Variants in EXTL3 observed in about 807,000 individuals in gnomAD.
EXTL3 encodes exostosin-like 3.
A neutral mutation model predicts 69.3 loss-of-function variants in EXTL3; 27 were observed. The observed-to-expected ratio is 0.39, with a 90% confidence interval of 0.29 to 0.54. The LOEUF (loss-of-function observed/expected upper bound fraction) is 0.54. EXTL3 is among the 20% of genes least tolerant of loss of function. The probability of loss-of-function intolerance (pLI) is 0.69; values close to 1 mark genes in which losing one functional copy is unlikely to be tolerated. For synonymous variants in EXTL3, 511 were observed against 499.4 expected, an observed-to-expected ratio of 1.02 and a Z score of -0.31; for missense variants, 1,003 against 1,231.8, an observed-to-expected ratio of 0.81 and a Z score of 2.78.
At chr8:28,686,588 C>G (rs1042449113) in intron 1 of EXTL3, among the ~76,000 whole-genome samples, 1 of 152,054 alleles carries the variant, frequency 6.6e-6, no homozygotes, top group African/African-American at 2.4e-5. Flanking sequence ...GAACTTACCA[C>G]TTATGTTAAG....
rs2130742328 is a variant in EXTL3, at chr8:28,718,053, T to C, written c.1994T>C (p.Val665Ala). ...GGNVPREQFT[V>A]VMLTYEREEV... ...AATGTTCCCCGAGAGCAGTTCACGG[T>C]GGTGATGTTGACTTATGAGCGGGAG... The change falls in exon 3 of 7, where the codon GTG becomes GCG. Residue 665 changes from valine (V) to alanine (A), a missense_variant. Transcript: ENST00000220562. 1 of 1,613,642 alleles carries C rather than the reference T, an allele frequency of 6.2e-7. No homozygotes were observed. Among genetic ancestry groups the C allele is most frequent in the East Asian group, 2.2e-5 (1 of 44,858 alleles).
chr8:28,721,777 C>T (rs1365653790), intron 3 of EXTL3, among the ~76,000 whole-genome samples: 3 of 152,204 alleles, frequency 2.0e-5, no homozygotes, highest in Non-Finnish European at 2.9e-5. Context: ...CCAGTTTACA[C>T]ATCTTCCTTA....
At chr8:28,719,517 T>G (rs958974446) in intron 3 of EXTL3, among the ~76,000 whole-genome samples, 1 of 152,240 alleles carries the variant, frequency 6.6e-6, no homozygotes, top group Non-Finnish European at 1.5e-5. Context: ...AGTGCCTCTT[T>G]GCTTTAAATT....
Position 28,717,957 on chromosome 8 carries a change from G to A in EXTL3, c.1898G>A (p.Gly633Glu), listed in dbSNP as rs751064521. The part of the protein sequence containing the change: ...LPSEAKFLGS[G>E]TGFRPIGGGA... ...TCAGAGGCCAAATTCTTGGGCTCAG[G>A]GACTGGCTTTCGGCCTATTGGTGGT... The change falls in exon 3 of 7, where the codon GGG becomes GAG. Residue 633 changes from glycine (G) to glutamate (E), a missense_variant. Transcript: ENST00000220562. This position sits in a 1 kb window ranked among gnomAD's most constrained non-coding sequence, Gnocchi z 8.3. 6.2e-7 allele frequency: 1 copy of A among 1,614,196 alleles called. No homozygotes were observed. The highest frequency in any genetic ancestry group is 1.7e-5 in the Admixed American group (1 of 60,030).
chr8:28,638,286 T>G (rs1337119413), intron 1 of EXTL3, among the ~76,000 whole-genome samples: 2 of 152,208 alleles, frequency 1.3e-5, no homozygotes, highest in African/African-American at 4.8e-5. Context: ...ATGGAGCTAT[T>G]TATGGTTGCA....
intron 4 of EXTL3, 44 bp downstream of exon 4, chr8:28,731,394 A>C (rs1801535630): frequency 1.2e-6 from 2 of 1,610,778 alleles, no homozygotes. Flanking sequence ...TGCAAGTGAC[A>C]GAAAACCTGG....
chr8:28,719,045 C>A (rs6991142), intron 3 of EXTL3, among the ~76,000 whole-genome samples: 4,429 of 152,234 alleles, frequency 0.029, 157 homozygotes, highest in African/African-American at 0.088. Flanking sequence ...CAGACTGCCA[C>A]CTATTTAACC....
At chr8:28,687,902 G>A (rs1392588766) in intron 1 of EXTL3, among the ~76,000 whole-genome samples, 9 of 152,174 alleles carry the variant, frequency 5.9e-5, no homozygotes, top group Non-Finnish European at 1.2e-4. Flanking sequence ...AATTTAGGAA[G>A]TTGCTGGTTC....
intron 5 of EXTL3, chr8:28,740,475 G>A (rs1415546838): frequency 6.6e-6 from 1 of 152,102 alleles, no homozygotes; most frequent in East Asian, 1.9e-4. Context: ...GTAGAGATGG[G>A]TTTTCACCAT....
chr8:28,705,416 C>G (rs988698777), intron 1 of EXTL3, among the ~76,000 whole-genome samples: 8 of 151,972 alleles, frequency 5.3e-5, no homozygotes, highest in Admixed American at 3.9e-4. Context: ...GGAGAATGCC[C>G]GAGTCATAAG....
At chr8:28,652,503 A>G (rs1806943213) in intron 1 of EXTL3, among the ~76,000 whole-genome samples, 1 of 151,858 alleles carries the variant, frequency 6.6e-6, no homozygotes, top group South Asian at 2.1e-4. Flanking sequence ...CAAAAAAAAA[A>G]ATTATCTGGC....
Position 28,685,053 on chromosome 8 carries a change from G to A in EXTL3, c.-52-28404G>A, listed in dbSNP as rs560269163. Among the ~76,000 whole-genome samples the A allele has an allele frequency of 5.6e-5, 7 of 124,302 alleles. No homozygotes were observed. The South Asian group carries it at 7.7e-4, about 14-fold the overall frequency. The allele number at this position is 124,302 out of a possible 152,430, so 81.5% of individuals were successfully genotyped here. On this transcript the variant is annotated intron_variant, in intron 1 of 6. Transcript: ENST00000523149. ...TGCAACTTCTGTCTCCTGGGTTCAAGCGATTCTCCTGCCTCAGCCTCCTGA... is the reference window on the plus strand; with the variant it reads ...TGCAACTTCTGTCTCCTGGGTTCAAACGATTCTCCTGCCTCAGCCTCCTGA...
At chr8:28,612,797 C>T (rs999099346) in intron 2 of EXTL3, among the ~76,000 whole-genome samples, 1 of 152,110 alleles carries the variant, frequency 6.6e-6, no homozygotes, top group Non-Finnish European at 1.5e-5. Flanking sequence ...TGGCTCACTG[C>T]ATCCGCAACC....
intron 1 of EXTL3, among the ~76,000 whole-genome samples, chr8:28,667,986 A>G (rs568175236): frequency 9.6e-4 from 146 of 152,244 alleles, no homozygotes; most frequent in African/African-American, 3.3e-3. Context: ...AGCCTGGGCA[A>G]GCTCAGTGAC....
rs546464589 is a variant in EXTL3, at chr8:28,724,673, G to C, written c.2148+6466G>C. Among the ~76,000 whole-genome samples, 21 of 152,110 alleles carry C rather than the reference G, an allele frequency of 1.4e-4. No homozygotes were observed. In the South Asian group the frequency reaches 4.4e-3, roughly 32 times the overall value. On this transcript the variant is annotated intron_variant, in intron 3 of 6. Coordinates refer to ENST00000220562, the MANE Select transcript of EXTL3 (RefSeq NM_001440.4). The stretch of plus-strand genomic sequence containing the variant: ...AAATTAGCCAGGTGCAGTGGCGGAC[G>C]CCTGTAATCCCAGCTACTCAGGAGG...
At chr8:28,676,102 T>C (rs1363195813) in intron 1 of EXTL3, among the ~76,000 whole-genome samples, 1 of 150,260 alleles carries the variant, frequency 6.7e-6, no homozygotes, top group Non-Finnish European at 1.5e-5. Context: ...GACTCAAAGG[T>C]GGTCCACGTG....
chr8:28,643,410 T>TTTTC (rs1806775021), intron 1 of EXTL3, among the ~76,000 whole-genome samples: 1 of 138,052 alleles, frequency 7.2e-6, no homozygotes, highest in African/African-American at 2.9e-5. Flanking sequence ...CCTGCTTTCT[T>TTTTC]TTTTTTTCTT....
chr8:28,659,787 C>T (rs961201145), intron 1 of EXTL3, among the ~76,000 whole-genome samples: 1 of 152,210 alleles, frequency 6.6e-6, no homozygotes, highest in African/African-American at 2.4e-5. Context: ...AACATGACAT[C>T]ATTGCAGTTT....
chr8:28,622,684 G>T (rs1806432425), upstream of EXTL3: 1 of 151,256 alleles, frequency 6.6e-6, no homozygotes, highest in East Asian at 2.0e-4. Flanking sequence ...GCCGGGCCGG[G>T]GATGCGGTGA....
Sources: allele counts gnomAD v4.1 joint callset (sites outside exome capture counted in the v4.1 genomes callset), GRCh38; gene constraint gnomAD v4.1.1; non-coding constraint Gnocchi (gnomAD v3.1); transcripts MANE v1.5; gene names NCBI Gene and HGNC (gene_info 2026-07-23, HGNC 2026-07-21).